Variants in SPATA6 observed in about 807,000 individuals in gnomAD.
SPATA6 encodes spermatogenesis associated 6.
Under a neutral mutation model 65.3 loss-of-function variants are expected in SPATA6, and 56 were observed. The observed-to-expected ratio is 0.86, with a 90% confidence interval of 0.69 to 1.07. The LOEUF is 1.07. Ranked by LOEUF, SPATA6 falls within the 50% of genes least tolerant of loss-of-function variation. The pLI is 0.00. For synonymous variants in SPATA6, 199 were observed against 213.2 expected (o/e 0.93, Z 0.58); for missense variants, 590 against 594.8 (o/e 0.99, Z 0.08).
At chr1:48,277,398 A>G in the SPATA6 span, among the ~76,000 whole-genome samples, 7 of 152,372 alleles carry the variant, frequency 4.6e-5, no homozygotes, top group South Asian at 1.0e-3. Flanking sequence ...TGGGAAGCGC[A>G]AGGGGTCAGG....
chr1:48,325,669 G>A (rs964457409), intron 11 of SPATA6: 1 of 612,630 alleles, frequency 1.6e-6, no homozygotes, highest in Non-Finnish European at 3.0e-6. Flanking sequence ...GCCCCAGTAA[G>A]CCCCTGAGTT....
At chr1:48,422,688 G>A (rs751961516) in intron 3 of SPATA6, among the ~76,000 whole-genome samples, 2 of 152,152 alleles carry the variant, frequency 1.3e-5, no homozygotes, top group African/African-American at 2.4e-5. Flanking sequence ...TCTGGAGAAA[G>A]AGAACAAGAT....
chr1:48,367,558 C>T (rs1010332668), intron 9 of SPATA6, among the ~76,000 whole-genome samples: 1 of 152,170 alleles, frequency 6.6e-6, no homozygotes, highest in Non-Finnish European at 1.5e-5. Context: ...TAATGGCCTT[C>T]TTTGTCTCTT....
At chr1:48,343,930 A>C (rs987795031) in intron 11 of SPATA6, among the ~76,000 whole-genome samples, 1 of 152,142 alleles carries the variant, frequency 6.6e-6, no homozygotes, top group Non-Finnish European at 1.5e-5. Context: ...TAGAAAAATT[A>C]AATAACAATA....
At chr1:48,389,037 G>A (rs1649783484) in intron 8 of SPATA6, among the ~76,000 whole-genome samples, 1 of 152,012 alleles carries the variant, frequency 6.6e-6, no homozygotes. Flanking sequence ...TAGAGATGGG[G>A]TTTCACCATG....
intron 9 of SPATA6, among the ~76,000 whole-genome samples, chr1:48,381,199 C>T (rs1439382679): frequency 6.6e-6 from 1 of 152,236 alleles, no homozygotes; most frequent in Non-Finnish European, 1.5e-5. Context: ...GACAACTACT[C>T]GTCTGTGGCC....
At chr1:48,362,729 G>T (rs779857897) in intron 9 of SPATA6, among the ~76,000 whole-genome samples, 1 of 151,966 alleles carries the variant, frequency 6.6e-6, no homozygotes, top group African/African-American at 2.4e-5. Context: ...AGGTAGAATC[G>T]AAATCAAAGC....
chr1:48,349,105 A>G (rs1298588978), intron 11 of SPATA6, among the ~76,000 whole-genome samples: 2 of 152,026 alleles, frequency 1.3e-5, no homozygotes, highest in African/African-American at 4.8e-5. Context: ...TAAAAATAGA[A>G]TATTTTATGA....
intron 11 of SPATA6, among the ~76,000 whole-genome samples, chr1:48,346,088 A>G (rs1646356438): frequency 6.6e-6 from 1 of 152,090 alleles, no homozygotes; most frequent in Non-Finnish European, 1.5e-5. Context: ...TCAACAAAAT[A>G]CTAGAAAACT....
chr1:48,279,459 T>C, the SPATA6 span, among the ~76,000 whole-genome samples: 1 of 152,064 alleles, frequency 6.6e-6, no homozygotes, highest in African/African-American at 2.4e-5. Context: ...GAGAAACACA[T>C]AGGCTCAAAA....
In SPATA6 at chr1:48,297,125, G is replaced by GGTAGGTGTGTGT. The variant is rs890697833; in HGVS notation, c.*1587_*1588insACACACACCTAC. The GGTAGGTGTGTGT allele has an allele frequency of 3.5e-5, 5 of 144,582 alleles. No individual in the cohort carries two copies. Among genetic ancestry groups the GGTAGGTGTGTGT allele is most frequent in the African/African-American group, 7.7e-5 (3 of 38,936 alleles). The allele number at this position is 144,582 out of a possible 1,614,324, so 9.0% of individuals were successfully genotyped here. A position where few individuals can be genotyped will look rare whatever the true frequency, so the allele number is the denominator to read the frequency against. On this transcript the variant is annotated 3_prime_UTR_variant, in exon 13 of 13. Transcript: ENST00000371847. ...TAATCCTACATATGACTCTCTAAGAGGTGTGTGTGTGTGTGTGTGTGTGTG... is the reference window on the plus strand; with the variant it reads ...TAATCCTACATATGACTCTCTAAGAGGTAGGTGTGTGTGTGTGTGTGTGTGTGTGTGTGTGTG...
At chr1:48,327,166 C>A (rs1246383789) in intron 11 of SPATA6, among the ~76,000 whole-genome samples, 1 of 151,782 alleles carries the variant, frequency 6.6e-6, no homozygotes, top group Non-Finnish European at 1.5e-5. Flanking sequence ...AAAGAAAAAC[C>A]AATAAAAAAC....
In SPATA6 at chr1:48,320,098, A is replaced by G. The variant is rs371695519; in HGVS notation, c.1195-14220T>C. ...GTTGATGAGCCCTTTGTCTCCTACAACAGTCACCACCATTGCTCAAATAGT... is the reference window on the plus strand; with the variant it reads ...GTTGATGAGCCCTTTGTCTCCTACAGCAGTCACCACCATTGCTCAAATAGT... On this transcript the variant is annotated intron_variant, in intron 11 of 12. Transcript: ENST00000371847. Among the ~76,000 whole-genome samples the G allele has an allele frequency of 3.3e-4, 51 of 152,286 alleles. 1 individual carries two copies. In the East Asian group the frequency reaches 9.3e-3, roughly 28 times the overall value.
At chr1:48,332,200 A>G (rs532020376) in intron 11 of SPATA6, among the ~76,000 whole-genome samples, 20 of 152,172 alleles carry the variant, frequency 1.3e-4, no homozygotes, top group Non-Finnish European at 2.4e-4. Flanking sequence ...CCACTTAACA[A>G]CATGATAGCA....
chr1:48,425,170 T>C (rs1653719575), intron 3 of SPATA6, among the ~76,000 whole-genome samples: 1 of 152,210 alleles, frequency 6.6e-6, no homozygotes, highest in South Asian at 2.1e-4. Flanking sequence ...TTTTTGTATA[T>C]GGTGAGAGAT....
chr1:48,399,334 C>T lies in SPATA6; in HGVS notation c.780+17G>A, dbSNP rs752512356. The T allele has an allele frequency of 1.3e-4, 204 of 1,599,578 alleles. No individual in the cohort carries two copies. Among genetic ancestry groups the T allele is most frequent in the Non-Finnish European group, 1.7e-4 (197 of 1,173,914 alleles). ...AGCTGATCAGTTTCAAATAGAAATGCTTAAGAGAACACATACATGTCTAAT... is the reference window on the plus strand; with the variant it reads ...AGCTGATCAGTTTCAAATAGAAATGTTTAAGAGAACACATACATGTCTAAT... On this transcript the variant is annotated intron_variant, in intron 7 of 12. Transcript: ENST00000371847.
intron 11 of SPATA6, among the ~76,000 whole-genome samples, chr1:48,309,784 T>C (rs932045998): frequency 6.6e-6 from 1 of 152,198 alleles, no homozygotes; most frequent in African/African-American, 2.4e-5. Flanking sequence ...GATATCTCTA[T>C]TCTGTTAGCT....
chr1:48,371,741 C>T (rs1357951527), intron 9 of SPATA6, among the ~76,000 whole-genome samples: 4 of 152,060 alleles, frequency 2.6e-5, no homozygotes, highest in Non-Finnish European at 4.4e-5. Flanking sequence ...AAGACACACA[C>T]GAGACTGGGA....
intron 9 of SPATA6, among the ~76,000 whole-genome samples, chr1:48,369,514 G>A (rs1005610666): frequency 6.6e-6 from 1 of 152,212 alleles, no homozygotes; most frequent in Non-Finnish European, 1.5e-5. Context: ...CTGCCGCCTT[G>A]CAGTTTGATC....
Sources: allele counts gnomAD v4.1 joint callset (sites outside exome capture counted in the v4.1 genomes callset), GRCh38; gene constraint gnomAD v4.1.1; transcripts MANE v1.5; gene names NCBI Gene and HGNC (gene_info 2026-07-23, HGNC 2026-07-21).